ZMAT4: variants seen among roughly 807,000 people sequenced by gnomAD.
The protein encoded by ZMAT4 is zinc finger matrin-type 4, also known as zinc finger matrin-type protein 4.
Under a neutral mutation model 28.7 loss-of-function variants are expected in ZMAT4, and 17 were observed. That is an observed-to-expected ratio of 0.59 (90% confidence interval 0.41 to 0.89). ZMAT4 has a LOEUF of 0.89. Among genes scored for constraint, ZMAT4 ranks in the 40% least tolerant of loss-of-function variants. ZMAT4 has a pLI of 0.00. For missense variants in ZMAT4, 240 were observed against 283.8 expected, an observed-to-expected ratio of 0.85 and a Z score of 1.11; for synonymous variants, 117 against 109.2, an observed-to-expected ratio of 1.07 and a Z score of -0.44.
At chr8:40,533,502 G>A (rs574074480) in intron 6 of ZMAT4, among the ~76,000 whole-genome samples, 64 of 152,200 alleles carry the variant, frequency 4.2e-4, no homozygotes, top group African/African-American at 7.2e-4. Context: ...ATCTTCCTTC[G>A]CTAAGGTCCA....
intron 5 of ZMAT4, among the ~76,000 whole-genome samples, chr8:40,593,438 T>C (rs1042184429): frequency 4.6e-5 from 7 of 152,220 alleles, no homozygotes; most frequent in African/African-American, 1.4e-4. Context: ...TGCAGTGGCA[T>C]CTCTTCCAGG....
chr8:40,583,103 G>A (rs550004088), intron 5 of ZMAT4, among the ~76,000 whole-genome samples: 2 of 152,248 alleles, frequency 1.3e-5, no homozygotes, highest in East Asian at 1.9e-4. Flanking sequence ...ATGTGGGACC[G>A]TGGAGTTCTC....
chr8:40,875,825 A>G (rs1030447624), intron 1 of ZMAT4, among the ~76,000 whole-genome samples: 1 of 152,054 alleles, frequency 6.6e-6, no homozygotes, highest in Non-Finnish European at 1.5e-5. Context: ...CCAGGACCCA[A>G]CCCCCCTGAG....
At chr8:40,765,339 G>A (rs945037469) in intron 3 of ZMAT4, among the ~76,000 whole-genome samples, 6 of 152,046 alleles carry the variant, frequency 3.9e-5, no homozygotes, top group African/African-American at 1.4e-4. Flanking sequence ...TGACTTCCAC[G>A]CTGTGTCCAA....
At chr8:40,627,327 C>T (rs1291809017) in intron 5 of ZMAT4, among the ~76,000 whole-genome samples, 1 of 152,078 alleles carries the variant, frequency 6.6e-6, no homozygotes, top group African/African-American at 2.4e-5. Context: ...GTAGCGTAGC[C>T]AGGCATGAGA....
At chr8:40,693,334 T>A (rs565775049) in intron 4 of ZMAT4, among the ~76,000 whole-genome samples, 17 of 152,122 alleles carry the variant, frequency 1.1e-4, no homozygotes, top group African/African-American at 3.6e-4. Flanking sequence ...CAGGCTGGTA[T>A]CAAATTCCTG....
intron 5 of ZMAT4, among the ~76,000 whole-genome samples, chr8:40,669,280 C>G (rs1563400241): frequency 6.6e-6 from 1 of 152,146 alleles, no homozygotes; most frequent in Non-Finnish European, 1.5e-5. Context: ...TTCAAGACTG[C>G]TTTTTGACTT....
At chr8:40,848,063 T>C (rs1372748326) in intron 1 of ZMAT4, among the ~76,000 whole-genome samples, 3 of 152,158 alleles carry the variant, frequency 2.0e-5, no homozygotes, top group African/African-American at 4.8e-5. Flanking sequence ...GAACACTAGA[T>C]TTTGTCTCCC....
chr8:40,695,588 A>G (rs1809847323), intron 4 of ZMAT4, among the ~76,000 whole-genome samples: 1 of 152,222 alleles, frequency 6.6e-6, no homozygotes, highest in African/African-American at 2.4e-5. Context: ...CTAAGCCATT[A>G]AGTAAAGGCT....
At chr8:40,743,076 G>C (rs1812081036) in intron 3 of ZMAT4, among the ~76,000 whole-genome samples, 1 of 151,986 alleles carries the variant, frequency 6.6e-6, no homozygotes, top group Non-Finnish European at 1.5e-5. Flanking sequence ...AAATTATCCA[G>C]GCATGGTGGC....
At chr8:40,775,033 T>C (rs1372283711) in intron 2 of ZMAT4, among the ~76,000 whole-genome samples, 1 of 152,186 alleles carries the variant, frequency 6.6e-6, no homozygotes, top group African/African-American at 2.4e-5. Context: ...TCCCACAACT[T>C]ACAAGTTTTC....
intron 1 of ZMAT4, among the ~76,000 whole-genome samples, chr8:40,867,490 G>A (rs1373220205): frequency 2.0e-5 from 3 of 152,134 alleles, no homozygotes; most frequent in Non-Finnish European, 2.9e-5. Context: ...TGGAGTAGCT[G>A]CAGGGTCCTG....
intron 5 of ZMAT4, among the ~76,000 whole-genome samples, chr8:40,628,582 G>A (rs1806459558): frequency 6.6e-6 from 1 of 152,166 alleles, no homozygotes. Context: ...TAAGAAACTT[G>A]TAAGTGTAGA....
intron 1 of ZMAT4, among the ~76,000 whole-genome samples, chr8:40,895,664 A>C (rs1818843201): frequency 6.7e-6 from 1 of 148,876 alleles, no homozygotes; most frequent in Admixed American, 6.7e-5. Flanking sequence ...TGCATGACTC[A>C]CCCTTCAGGA....
At chr8:40,649,226 G>T (rs1412299073) in intron 5 of ZMAT4, among the ~76,000 whole-genome samples, 1 of 152,118 alleles carries the variant, frequency 6.6e-6, no homozygotes, top group Non-Finnish European at 1.5e-5. Flanking sequence ...AGGGATGGAG[G>T]AAGATCTACC....
chr8:40,890,381 T>TTGTC (rs772965097), intron 1 of ZMAT4, among the ~76,000 whole-genome samples: 9 of 152,114 alleles, frequency 5.9e-5, no homozygotes, highest in East Asian at 3.9e-4. Context: ...TGACCTTTCT[T>TTGTC]TGTCACCTGT....
chr8:40,786,370 G>A (rs1488102813), intron 2 of ZMAT4, among the ~76,000 whole-genome samples: 1 of 152,092 alleles, frequency 6.6e-6, no homozygotes, highest in Non-Finnish European at 1.5e-5. Flanking sequence ...AGAAAAACAA[G>A]TTATGCTATA....
intron 1 of ZMAT4, among the ~76,000 whole-genome samples, chr8:40,866,900 AG>A (rs1256176653): frequency 6.6e-6 from 1 of 152,256 alleles, no homozygotes; most frequent in Non-Finnish European, 1.5e-5. Flanking sequence ...ATCTACATTT[AG>A]ACAGCACTCG....
At chr8:40,716,986 A>G (rs1037405713) in intron 3 of ZMAT4, among the ~76,000 whole-genome samples, 5 of 152,202 alleles carry the variant, frequency 3.3e-5, no homozygotes, top group Admixed American at 3.3e-4. Flanking sequence ...GTCACTGGAA[A>G]GTTAATCTCT....
Sources: allele counts gnomAD v4.1 joint callset (sites outside exome capture counted in the v4.1 genomes callset), GRCh38; gene constraint gnomAD v4.1.1; transcripts MANE v1.5; gene names NCBI Gene and HGNC (gene_info 2026-07-23, HGNC 2026-07-21).